CADPS2: variants seen among roughly 807,000 people sequenced by gnomAD.
CADPS2 encodes calcium-dependent secretion activator 2.
Under a neutral mutation model 172.5 loss-of-function variants are expected in CADPS2, and 93 were observed. The ratio of observed to expected loss-of-function variants is 0.54; its 90% CI spans 0.46 to 0.64. The LOEUF (loss-of-function observed/expected upper bound fraction) is 0.64, where lower values mean the gene tolerates loss of function less well. CADPS2 is among the 30% of genes least tolerant of loss of function. The pLI, the probability that CADPS2 is intolerant of heterozygous loss-of-function variation, is 0.00. For synonymous variants in CADPS2, 546 were observed against 555.2 expected (o/e 0.98, Z 0.23); for missense variants, 1,420 against 1,565.9 (o/e 0.91, Z 1.57).
chr7:122,760,161 A>C (rs2093330629), intron 1 of CADPS2, among the ~76,000 whole-genome samples: 1 of 152,048 alleles, frequency 6.6e-6, no homozygotes, highest in Non-Finnish European at 1.5e-5. Context: ...CAAACTATAT[A>C]ATTATAATTA....
chr7:122,491,288 A>G (rs755265393), intron 10 of CADPS2, 24 bp downstream of exon 10: 1 of 1,478,984 alleles, frequency 6.8e-7, no homozygotes, highest in South Asian at 1.2e-5. Context: ...ACATGGCAGG[A>G]AAAGTGATTC....
intron 3 of CADPS2, among the ~76,000 whole-genome samples, chr7:122,636,462 G>GTTTTTTTTTT (rs66587423): frequency 1.0e-5 from 1 of 100,188 alleles, no homozygotes. Flanking sequence ...CACAAGAGAT[G>GTTTTTTTTTT]TTTTTTTTTT....
intron 29 of CADPS2, among the ~76,000 whole-genome samples, chr7:122,324,295 C>T (rs1899689): frequency 0.38 from 57,275 of 151,922 alleles, 11,060 homozygotes; most frequent in East Asian, 0.47. Flanking sequence ...CTAACAAGAT[C>T]AACAAGCAGG....
At chr7:122,594,874 T>A (rs2071501751) in intron 6 of CADPS2, among the ~76,000 whole-genome samples, 1 of 151,846 alleles carries the variant, frequency 6.6e-6, no homozygotes, top group Non-Finnish European at 1.5e-5. Context: ...AAACCAAGAT[T>A]TTTAAAAACT....
chr7:122,576,587 T>G (rs947734493), intron 7 of CADPS2, among the ~76,000 whole-genome samples: 1 of 152,128 alleles, frequency 6.6e-6, no homozygotes, highest in Non-Finnish European at 1.5e-5. Flanking sequence ...TCTTGGCAAA[T>G]ACATACAAGT....
intron 8 of CADPS2, among the ~76,000 whole-genome samples, chr7:122,517,779 T>C (rs999185749): frequency 3.3e-5 from 5 of 151,996 alleles, no homozygotes; most frequent in African/African-American, 1.2e-4. Context: ...AAATTCCTTG[T>C]AGATGGGTAA....
intron 6 of CADPS2, among the ~76,000 whole-genome samples, chr7:122,589,179 T>C (rs1018687455): frequency 2.0e-5 from 3 of 151,960 alleles, no homozygotes; most frequent in Non-Finnish European, 2.9e-5. Context: ...AATGTGTATG[T>C]TTAATAGATG....
intron 11 of CADPS2, 138 bp downstream of exon 11, chr7:122,489,943 G>C (rs541314574): frequency 7.2e-6 from 5 of 694,552 alleles, no homozygotes; most frequent in Non-Finnish European, 1.2e-5. Context: ...GTGATTATGT[G>C]ACTACTAATA....
At chr7:122,871,698 CA>C (rs1819797829) in intron 1 of CADPS2, among the ~76,000 whole-genome samples, 1 of 152,026 alleles carries the variant, frequency 6.6e-6, no homozygotes, top group African/African-American at 2.4e-5. Flanking sequence ...CTCCATATTG[CA>C]AAATCCAATT....
chr7:122,450,086 T>C (rs961930572), intron 15 of CADPS2, among the ~76,000 whole-genome samples: 3 of 152,176 alleles, frequency 2.0e-5, no homozygotes, highest in South Asian at 2.1e-4. Context: ...AATGAGGCAA[T>C]AACAGATCAG....
chr7:122,848,149 A>G (rs1460786619), intron 1 of CADPS2, among the ~76,000 whole-genome samples: 1 of 152,190 alleles, frequency 6.6e-6, no homozygotes, highest in Non-Finnish European at 1.5e-5. Context: ...GCCTTTAGCT[A>G]AGGTCTTGTA....
chr7:122,351,538 T>C (rs768511733), intron 27 of CADPS2, among the ~76,000 whole-genome samples: 18 of 151,930 alleles, frequency 1.2e-4, no homozygotes, highest in Non-Finnish European at 2.1e-4. Flanking sequence ...CAATTCTGAA[T>C]TAAAAATAAT....
chr7:122,831,711 C>T (rs142765683), intron 1 of CADPS2, among the ~76,000 whole-genome samples: 36 of 152,266 alleles, frequency 2.4e-4, no homozygotes, highest in African/African-American at 8.2e-4. Context: ...TTGCCAAAAA[C>T]TGTAGATCCC....
At chr7:122,825,292 A>G (rs1403196288) in intron 1 of CADPS2, among the ~76,000 whole-genome samples, 1 of 152,216 alleles carries the variant, frequency 6.6e-6, no homozygotes, top group Admixed American at 6.5e-5. Context: ...GCATGAGGAT[A>G]TCATGCCATC....
chr7:122,655,034 C>T (rs2430045), intron 3 of CADPS2, among the ~76,000 whole-genome samples: 111,923 of 152,092 alleles, frequency 0.74, 41,669 homozygotes, highest in Middle Eastern at 0.91. Flanking sequence ...GAATTAGAAA[C>T]AGAAGTGGAG....
intron 27 of CADPS2, among the ~76,000 whole-genome samples, chr7:122,358,865 A>G (rs972458669): frequency 6.6e-6 from 1 of 152,108 alleles, no homozygotes; most frequent in Non-Finnish European, 1.5e-5. Flanking sequence ...GTTCTGCTCC[A>G]GGGGGCAACT....
At chr7:122,655,053 T>C (rs1460656359) in intron 3 of CADPS2, among the ~76,000 whole-genome samples, 3 of 152,192 alleles carry the variant, frequency 2.0e-5, no homozygotes, top group Non-Finnish European at 4.4e-5. Context: ...AGCCTAAAGA[T>C]GTGACTAAAT....
intron 1 of CADPS2, among the ~76,000 whole-genome samples, chr7:122,864,814 A>G (rs571925605): frequency 6.6e-6 from 1 of 152,300 alleles, no homozygotes; most frequent in East Asian, 1.9e-4. Context: ...AAGTAGCAAC[A>G]TCAATTTGGC....
intron 17 of CADPS2, among the ~76,000 whole-genome samples, chr7:122,425,640 A>C (rs2049073025): frequency 6.6e-6 from 1 of 151,112 alleles, no homozygotes; most frequent in Non-Finnish European, 1.5e-5. Flanking sequence ...TCATATACAC[A>C]ATATATGTGT....
Sources: gnomAD v4.1 joint callset for allele counts (sites outside exome capture counted in the v4.1 genomes callset) on GRCh38, gnomAD v4.1.1 for gene constraint, MANE v1.5 for transcripts, NCBI Gene and HGNC (gene_info 2026-07-23, HGNC 2026-07-21) for gene names.